GTF2F2: variants seen among roughly 807,000 people sequenced by gnomAD.
GTF2F2 encodes ATP-dependent helicase GTF2F2.
A neutral mutation model predicts 42.2 loss-of-function variants in GTF2F2; 23 were observed. That is an observed-to-expected ratio of 0.55 (90% CI 0.39 to 0.77). GTF2F2 has a LOEUF of 0.77. Ranked by LOEUF, GTF2F2 falls within the 30% of genes least tolerant of loss-of-function variation. The pLI is 0.00. For synonymous variants in GTF2F2, 105 were observed against 100.8 expected (o/e 1.04, Z -0.25); for missense variants, 261 against 287.2 (o/e 0.91, Z 0.66).
chr13:45,232,740 C>T (rs928705096), intron 5 of GTF2F2, among the ~76,000 whole-genome samples: 2 of 152,206 alleles, frequency 1.3e-5, no homozygotes, highest in African/African-American at 4.8e-5. Flanking sequence ...ACCTCATTCC[C>T]TTCTACCCAC....
At position 45,262,108 on chromosome 13, in the gene GTF2F2, A is replaced by G. The variant is rs193058028; in HGVS notation, c.487-5125A>G. On this transcript the variant is annotated intron_variant, in intron 6 of 7. Coordinates refer to ENST00000340473, the MANE Select transcript of GTF2F2 (RefSeq NM_004128.3). ...TTTAACTGGCTGGGTGCAGTGGCTC[A>G]TGCCTGTAATTCCAGCACTTTAGGA... Among the ~76,000 whole-genome samples the G allele has an allele frequency of 3.3e-3, 501 of 152,346 alleles. 3 individuals are homozygous for G. The highest frequency in any genetic ancestry group is 0.011 in the African/African-American group (476 of 41,592).
chr13:45,250,051 CTTTTTTTTT>C (rs780347641), intron 5 of GTF2F2, among the ~76,000 whole-genome samples: 55 of 100,886 alleles, frequency 5.5e-4, no homozygotes, highest in African/African-American at 2.2e-3. Context: ...TGCCTTATCT[CTTTTTTTTT>C]TTTTTTTTTT....
At position 45,272,433 on chromosome 13, in the gene GTF2F2, A is replaced by C. The variant is rs1219125099; in HGVS notation, c.630+5057A>C. Among the ~76,000 whole-genome samples the C allele has an allele frequency of 8.5e-5, 12 of 141,188 alleles. No individual in the cohort carries two copies. The South Asian group carries it at 1.1e-3, about 13-fold the overall frequency. 92.6% of individuals were successfully genotyped at this position (141,188 alleles called of 152,430 possible). On this transcript the variant is annotated intron_variant, in intron 7 of 7. Coordinates refer to ENST00000340473, the MANE Select transcript of GTF2F2 (RefSeq NM_004128.3). The stretch of plus-strand genomic sequence containing the variant: ...TTTTGTTTTGGCTCTTTAAAAAAAA[A>C]AAAAAAACAAAAAAAAAAAACAGGG...
chr13:45,194,480 A>C, intron 4 of GTF2F2: 6 of 1,614,128 alleles, frequency 3.7e-6, no homozygotes, highest in Non-Finnish European at 5.1e-6. Context: ...GTGGATTTGC[A>C]GTTCTTTCCT....
At chr13:45,229,173 G>A (rs979273246) in intron 5 of GTF2F2, among the ~76,000 whole-genome samples, 8 of 152,080 alleles carry the variant, frequency 5.3e-5, no homozygotes, top group Non-Finnish European at 1.0e-4. Flanking sequence ...ATGAGCCACC[G>A]CACCTGGCTC....
intron 4 of GTF2F2, among the ~76,000 whole-genome samples, chr13:45,164,470 T>G (rs1206552946): frequency 6.6e-6 from 1 of 152,046 alleles, no homozygotes; most frequent in South Asian, 2.1e-4. Context: ...TAGTGGCTCA[T>G]GCCTGTAACC....
At chr13:45,228,781 C>G (rs1874514175) in intron 5 of GTF2F2, among the ~76,000 whole-genome samples, 2 of 150,600 alleles carry the variant, frequency 1.3e-5, no homozygotes, top group Admixed American at 1.3e-4. Context: ...AGCAATTCTC[C>G]TGCCTCATCC....
At chr13:45,139,346 T>C (rs115462581) in intron 2 of GTF2F2, among the ~76,000 whole-genome samples, 1,900 of 152,308 alleles carry the variant, frequency 0.012, 41 homozygotes, top group African/African-American at 0.04. Flanking sequence ...AAAAATGTAT[T>C]TACACACCTC....
At chr13:45,239,272 A>G (rs1186124802) in intron 5 of GTF2F2, among the ~76,000 whole-genome samples, 1 of 152,248 alleles carries the variant, frequency 6.6e-6, no homozygotes, top group Non-Finnish European at 1.5e-5. Flanking sequence ...CTAAGAGATA[A>G]GGAAACTACG....
intron 5 of GTF2F2, among the ~76,000 whole-genome samples, chr13:45,229,281 C>CT (rs535358269): frequency 1.5e-4 from 23 of 151,844 alleles, no homozygotes; most frequent in Admixed American, 6.6e-4. Context: ...ATTTACCACC[C>CT]TTTTTTTTGC....
chr13:45,224,324 G>A (rs1052755591), intron 5 of GTF2F2, among the ~76,000 whole-genome samples: 1 of 152,150 alleles, frequency 6.6e-6, no homozygotes, highest in Admixed American at 6.5e-5. Flanking sequence ...TTTCCTGTGA[G>A]CAAAGAATCC....
chr13:45,191,230 T>C (rs375995626), intron 4 of GTF2F2, among the ~76,000 whole-genome samples: 1 of 94,052 alleles, frequency 1.1e-5, no homozygotes, highest in African/African-American at 5.4e-5. Context: ...AAAAAATATA[T>C]ATATATATAT....
intron 2 of GTF2F2, among the ~76,000 whole-genome samples, chr13:45,149,156 G>A (rs1428355930): frequency 6.6e-6 from 1 of 151,746 alleles, no homozygotes; most frequent in African/African-American, 2.4e-5. Flanking sequence ...GATAAGAATT[G>A]TAATAAGGCT....
At chr13:45,126,828 G>A (rs972233547) in intron 1 of GTF2F2, among the ~76,000 whole-genome samples, 1 of 152,210 alleles carries the variant, frequency 6.6e-6, no homozygotes, top group African/African-American at 2.4e-5. Context: ...CCTGGTCTAG[G>A]AAGTCAAGGG....
intron 1 of GTF2F2, among the ~76,000 whole-genome samples, chr13:45,122,608 T>G (rs116480527): frequency 0.012 from 1,813 of 152,202 alleles, 29 homozygotes; most frequent in African/African-American, 0.037. Flanking sequence ...CACTCCAGCC[T>G]GGGCAACAGA....
chr13:45,159,507 C>T (rs1255082382), intron 4 of GTF2F2, among the ~76,000 whole-genome samples: 1 of 152,256 alleles, frequency 6.6e-6, no homozygotes, highest in Non-Finnish European at 1.5e-5. Flanking sequence ...TCTCCTGCCT[C>T]AGCCTCCCGA....
intron 5 of GTF2F2, among the ~76,000 whole-genome samples, chr13:45,230,756 T>C (rs1874634488): frequency 6.6e-6 from 1 of 152,238 alleles, no homozygotes; most frequent in Non-Finnish European, 1.5e-5. Flanking sequence ...TATGTGGCAT[T>C]GTAACATCAA....
chr13:45,158,761 G>A (rs1243265795), intron 4 of GTF2F2, among the ~76,000 whole-genome samples: 4 of 152,214 alleles, frequency 2.6e-5, no homozygotes, highest in African/African-American at 4.8e-5. Context: ...ACGGTGCCTA[G>A]TATAGCATTG....
chr13:45,145,743 G>A (rs577349886), intron 2 of GTF2F2, among the ~76,000 whole-genome samples: 145 of 152,138 alleles, frequency 9.5e-4, no homozygotes, highest in African/African-American at 3.1e-3. Context: ...TGTTCAGTCC[G>A]TTCCCAACTC....
Sources: gnomAD v4.1 joint callset for allele counts (sites outside exome capture counted in the v4.1 genomes callset) on GRCh38, gnomAD v4.1.1 for gene constraint, MANE v1.5 for transcripts, NCBI Gene and HGNC (gene_info 2026-07-23, HGNC 2026-07-21) for gene names.